Variants in DLG2 observed in about 807,000 individuals in gnomAD.
The protein encoded by DLG2 is discs large MAGUK scaffold protein 2.
A neutral mutation model predicts 132.5 loss-of-function variants in DLG2; 45 were observed. The ratio of observed to expected loss-of-function variants is 0.34; its 90% CI spans 0.27 to 0.44. The LOEUF (loss-of-function observed/expected upper bound fraction) is 0.44. DLG2 is among the 20% of genes least tolerant of loss of function. DLG2 has a pLI of 1.00. For missense variants in DLG2, 1,045 were observed against 1,196.9 expected, an observed-to-expected ratio of 0.87 and a Z score of 1.87; for synonymous variants, 424 against 419.6, an observed-to-expected ratio of 1.01 and a Z score of -0.13.
intron 3 of DLG2, among the ~76,000 whole-genome samples, chr11:85,424,051 C>T (rs2090525518): frequency 6.6e-6 from 1 of 152,168 alleles, no homozygotes; most frequent in African/African-American, 2.4e-5. Flanking sequence ...TCCCAAAGGA[C>T]CCCATGAGGC....
intron 7 of DLG2, among the ~76,000 whole-genome samples, chr11:84,288,811 T>C (rs1170876900): frequency 5.3e-5 from 8 of 152,184 alleles, no homozygotes; most frequent in Non-Finnish European, 1.2e-4. Flanking sequence ...CTTTGCTTCA[T>C]TGAACTATGT....
chr11:83,926,684 A>G (rs1214626555), intron 15 of DLG2, among the ~76,000 whole-genome samples: 1 of 152,162 alleles, frequency 6.6e-6, no homozygotes, highest in Non-Finnish European at 1.5e-5. Context: ...TGAAGATAGT[A>G]GATTGGGTTC....
intron 6 of DLG2, among the ~76,000 whole-genome samples, chr11:84,958,718 C>A (rs1273804792): frequency 6.6e-6 from 1 of 152,142 alleles, no homozygotes; most frequent in Non-Finnish European, 1.5e-5. Context: ...GCTGTCCAAT[C>A]CAAGCATCAT....
intron 16 of DLG2, among the ~76,000 whole-genome samples, chr11:83,868,201 G>A (rs1221793777): frequency 3.3e-5 from 5 of 152,150 alleles, no homozygotes; most frequent in Non-Finnish European, 7.4e-5. Flanking sequence ...AGGAAGGCCT[G>A]CAAACTTTTT....
At chr11:84,042,653 G>T (rs1380676420) in intron 11 of DLG2, among the ~76,000 whole-genome samples, 1 of 151,818 alleles carries the variant, frequency 6.6e-6, no homozygotes, top group Non-Finnish European at 1.5e-5. Context: ...TGTGCAGGGT[G>T]TGCAGGTTTG....
intron 6 of DLG2, among the ~76,000 whole-genome samples, chr11:84,934,632 A>G (rs771307055): frequency 2.0e-5 from 3 of 147,850 alleles, no homozygotes; most frequent in South Asian, 2.1e-4. Flanking sequence ...GAATACCTCT[A>G]TGCACATAAA....
At chr11:84,312,763 A>G (rs1031840079) in intron 7 of DLG2, among the ~76,000 whole-genome samples, 1 of 152,146 alleles carries the variant, frequency 6.6e-6, no homozygotes, top group African/African-American at 2.4e-5. Context: ...GTAGTAGGAG[A>G]GATATCTACT....
In DLG2 at chr11:84,633,936, C is replaced by T. The variant is rs1021933911; in HGVS notation, c.358-99205G>A. Among the ~76,000 whole-genome samples the T allele has an allele frequency of 5.3e-5, 8 of 152,218 alleles. No homozygotes were observed. In the East Asian group the frequency reaches 7.7e-4, roughly 15 times the overall value. On this transcript the variant is annotated intron_variant, in intron 6 of 27. Transcript: ENST00000376104. ...GCAAGTAATCACGGGCAACTTCCTGCCTCACTGCAATAACTGGAACAGGAT... is the reference window on the plus strand; with the variant it reads ...GCAAGTAATCACGGGCAACTTCCTGTCTCACTGCAATAACTGGAACAGGAT...
At chr11:84,861,062 C>T (rs2083546524) in intron 6 of DLG2, among the ~76,000 whole-genome samples, 1 of 151,992 alleles carries the variant, frequency 6.6e-6, no homozygotes, top group Non-Finnish European at 1.5e-5. Flanking sequence ...AGTAAACAAC[C>T]ACAATACAGT....
chr11:84,069,271 A>T (rs572790448), intron 10 of DLG2, among the ~76,000 whole-genome samples: 6 of 152,304 alleles, frequency 3.9e-5, no homozygotes, highest in African/African-American at 1.4e-4. Flanking sequence ...ATTCATTCCA[A>T]AATAAACAGA....
chr11:84,406,300 T>C (rs2098849314), intron 7 of DLG2, among the ~76,000 whole-genome samples: 1 of 152,122 alleles, frequency 6.6e-6, no homozygotes, highest in African/African-American at 2.4e-5. Context: ...TTTTTTGTTG[T>C]TGTTTTTCTT....
chr11:84,207,081 C>CTCTCTCTATATA (rs148707321), intron 8 of DLG2, among the ~76,000 whole-genome samples: 5 of 146,904 alleles, frequency 3.4e-5, no homozygotes, highest in African/African-American at 1.3e-4. Context: ...CTCTCTCTCT[C>CTCTCTCTATATA]TATATATATA....
chr11:84,671,617 G>A (rs1439310074), intron 6 of DLG2, among the ~76,000 whole-genome samples: 2 of 152,174 alleles, frequency 1.3e-5, no homozygotes, highest in Non-Finnish European at 2.9e-5. Context: ...CCATGTGCAT[G>A]TGCTCTCAGC....
intron 8 of DLG2, among the ~76,000 whole-genome samples, chr11:84,208,419 C>A (rs189793794): frequency 2.1e-3 from 307 of 149,638 alleles, no homozygotes; most frequent in African/African-American, 7.2e-3. Flanking sequence ...TCTCAGCCTA[C>A]GGCAACCTCT....
rs770213236 is a variant in DLG2 at position 84,059,496 on chromosome 11, GA to G, written c.750-13del. ...TACAATCATTGACCCTGCAAGGAAG[GA>G]AAAGAGTCAAGATTCAGAAGTGGCT... On this transcript the variant is annotated splice_polypyrimidine_tract_variant and intron_variant, in intron 10 of 27. Coordinates refer to ENST00000376104, the MANE Select transcript of DLG2 (RefSeq NM_001142699.3). 83 of 1,547,774 alleles carry G rather than the reference GA, an allele frequency of 5.4e-5. No individual in the cohort carries two copies. The highest frequency in any genetic ancestry group is 7.2e-5 in the Non-Finnish European group (82 of 1,146,764).
chr11:84,334,001 C>A (rs1368942726), intron 7 of DLG2, among the ~76,000 whole-genome samples: 2 of 152,108 alleles, frequency 1.3e-5, no homozygotes, highest in Non-Finnish European at 2.9e-5. Context: ...AACTATAGGG[C>A]CTGCCTGTAG....
At chr11:83,583,713 C>A (rs988195318) in intron 19 of DLG2, among the ~76,000 whole-genome samples, 4 of 152,154 alleles carry the variant, frequency 2.6e-5, no homozygotes, top group East Asian at 1.9e-4. Flanking sequence ...AGAACAAGAA[C>A]CTTTAACTAT....
intron 6 of DLG2, among the ~76,000 whole-genome samples, chr11:84,884,157 G>A (rs560125456): frequency 8.5e-5 from 13 of 152,140 alleles, no homozygotes; most frequent in African/African-American, 2.6e-4. Context: ...CTTGCTTTCC[G>A]AGGGTGATTT....
At chr11:85,357,289 T>TGTGC (rs1565372889) in intron 3 of DLG2, among the ~76,000 whole-genome samples, 1 of 143,694 alleles carries the variant, frequency 7.0e-6, no homozygotes, top group Non-Finnish European at 1.5e-5. Context: ...TGTGTGTGTG[T>TGTGC]TCATGCCATT....
Sources: gnomAD v4.1 joint callset for allele counts (sites outside exome capture counted in the v4.1 genomes callset) on GRCh38, gnomAD v4.1.1 for gene constraint, MANE v1.5 for transcripts, NCBI Gene and HGNC (gene_info 2026-07-23, HGNC 2026-07-21) for gene names.